Variants in CA10 observed in about 807,000 individuals in gnomAD.
The protein encoded by CA10 is carbonic anhydrase-related protein 10.
Under a neutral mutation model 44.2 loss-of-function variants are expected in CA10, and 14 were observed. The ratio of observed to expected loss-of-function variants is 0.32; its 90% CI spans 0.21 to 0.50. The LOEUF (loss-of-function observed/expected upper bound fraction) is 0.50, where lower values mean the gene tolerates loss of function less well. Ranked by LOEUF, CA10 falls within the 20% of genes least tolerant of loss-of-function variation. CA10 has a pLI of 0.99. For synonymous variants in CA10, 159 were observed against 141.6 expected (o/e 1.12, Z -0.87); for missense variants, 350 against 409.7 (o/e 0.85, Z 1.26).
At position 51,822,041 on chromosome 17, in the gene CA10, C is replaced by T. The variant is rs548398619; in HGVS notation, c.280-74223G>A. 2.0e-5 allele frequency among the ~76,000 whole-genome samples: 3 copies of T among 152,298 alleles called. No homozygotes were observed. The East Asian group carries it at 5.8e-4, about 29-fold the overall frequency. ...GAGAGTTTTTACAGAGACTTTGACA[C>T]CAATCCTGGCCTAGACTATCCTTTC... On this transcript the variant is annotated intron_variant, in intron 3 of 8. Transcript: ENST00000451037.
intron 2 of CA10, among the ~76,000 whole-genome samples, chr17:52,049,322 C>T (rs1986995595): frequency 6.6e-6 from 1 of 152,050 alleles, no homozygotes; most frequent in Admixed American, 6.6e-5. Context: ...AGCTATGCGG[C>T]CTTGAGTAAG....
Position 51,709,424 on chromosome 17 carries a change from T to A in CA10, c.465+38209A>T, listed in dbSNP as rs931427929. 5.9e-5 allele frequency among the ~76,000 whole-genome samples: 9 copies of A among 152,166 alleles called. No individual in the cohort carries two copies. The South Asian group carries it at 6.2e-4, about 11-fold the overall frequency. ...TAGGGAATGCTTCTCTGGGAAGGGA[T>A]CTTGGTGCTGAGACCTGAACAATGG... On this transcript the variant is annotated intron_variant, in intron 4 of 8. Transcript: ENST00000451037.
intron 2 of CA10, among the ~76,000 whole-genome samples, chr17:51,962,776 C>T (rs1052525773): frequency 6.6e-6 from 1 of 152,066 alleles, no homozygotes; most frequent in Non-Finnish European, 1.5e-5. Context: ...AGGGAAAAAT[C>T]CTACACACAG....
intron 1 of CA10, among the ~76,000 whole-genome samples, chr17:52,106,623 A>C (rs2143268385): frequency 6.6e-6 from 1 of 152,306 alleles, no homozygotes; most frequent in Middle Eastern, 3.4e-3. Flanking sequence ...CTAGGGCTTA[A>C]TTAAGGAACT....
At chr17:51,793,201 G>T (rs888020663) in intron 3 of CA10, among the ~76,000 whole-genome samples, 3 of 152,210 alleles carry the variant, frequency 2.0e-5, no homozygotes, top group African/African-American at 7.2e-5. Flanking sequence ...TAAACTTGGG[G>T]TGGAGGGGAA....
At chr17:52,141,122 G>A (rs530985534) in intron 1 of CA10, among the ~76,000 whole-genome samples, 31 of 152,244 alleles carry the variant, frequency 2.0e-4, no homozygotes, top group Non-Finnish European at 3.4e-4. Context: ...CTTCCCTGCC[G>A]AACTGCCATC....
At chr17:51,839,118 G>A (rs1978298407) in intron 3 of CA10, among the ~76,000 whole-genome samples, 1 of 152,162 alleles carries the variant, frequency 6.6e-6, no homozygotes, top group Non-Finnish European at 1.5e-5. Context: ...TCAATTGCAT[G>A]TTCATTGTTA....
chr17:51,727,427 T>C (rs951364247), intron 4 of CA10, among the ~76,000 whole-genome samples: 2 of 152,112 alleles, frequency 1.3e-5, no homozygotes, highest in Non-Finnish European at 2.9e-5. Context: ...AAATGAAGTT[T>C]CTTTTGTCTC....
intron 3 of CA10, among the ~76,000 whole-genome samples, chr17:51,869,328 C>T (rs916003924): frequency 7.9e-4 from 120 of 152,238 alleles, no homozygotes; most frequent in African/African-American, 2.8e-3. Flanking sequence ...GCTTGAAGGT[C>T]AGAAAGCCTA....
chr17:52,068,414 G>A (rs1054103638), intron 2 of CA10, among the ~76,000 whole-genome samples: 4 of 152,136 alleles, frequency 2.6e-5, no homozygotes, highest in Admixed American at 6.5e-5. Flanking sequence ...TAAGTTACCC[G>A]GTCTCAGGCA....
chr17:51,765,972 G>A (rs1232845473), intron 3 of CA10, among the ~76,000 whole-genome samples: 1 of 152,134 alleles, frequency 6.6e-6, no homozygotes, highest in Non-Finnish European at 1.5e-5. Context: ...GAGAAAGCAG[G>A]TGGTCCTGAA....
chr17:52,094,291 A>T (rs57520437), intron 1 of CA10, among the ~76,000 whole-genome samples: 10,095 of 149,354 alleles, frequency 0.068, 345 homozygotes, highest in South Asian at 0.13. Context: ...AGTATAATTT[A>T]AAAAAAACCT....
Position 51,790,447 on chromosome 17 carries a change from T to C in CA10, c.280-42629A>G, listed in dbSNP as rs542374901. Among the ~76,000 whole-genome samples, 4 of 152,334 alleles carry C rather than the reference T, an allele frequency of 2.6e-5. No individual in the cohort carries two copies. In the East Asian group the frequency reaches 7.7e-4, roughly 29 times the overall value. ...ATACCTCTTGCATTTGGCAAATCCA[T>C]AATGATTCACCCTCCTGACCTGTCA... On this transcript the variant is annotated intron_variant, in intron 3 of 8. Coordinates refer to ENST00000451037, the MANE Select transcript of CA10 (RefSeq NM_020178.5).
intron 3 of CA10, among the ~76,000 whole-genome samples, chr17:51,849,182 T>G (rs951986139): frequency 1.3e-5 from 1 of 78,540 alleles, no homozygotes; most frequent in African/African-American, 6.2e-5. Flanking sequence ...TATACATATA[T>G]GTATATATAT....
intron 1 of CA10, among the ~76,000 whole-genome samples, chr17:52,141,640 C>A (rs890234633): frequency 6.6e-6 from 1 of 152,112 alleles, no homozygotes; most frequent in African/African-American, 2.4e-5. Flanking sequence ...ATGACTGTGT[C>A]CCAGTACAAC....
chr17:51,904,465 C>T lies in CA10; in HGVS notation c.279+26525G>A, dbSNP rs184684827. Among the ~76,000 whole-genome samples, 500 of 152,114 alleles carry T rather than the reference C, an allele frequency of 3.3e-3. 3 individuals carry two copies. Among genetic ancestry groups the T allele is most frequent in the African/African-American group, 0.012 (486 of 41,520 alleles). On this transcript the variant is annotated intron_variant, in intron 3 of 8. Coordinates refer to ENST00000451037, the MANE Select transcript of CA10 (RefSeq NM_020178.5). The stretch of plus-strand genomic sequence containing the variant: ...CTGAATACTCAATTAGCCACTGCAG[C>T]GCAAGAAGAGTCCCCCAGCTTCATC...
intron 3 of CA10, among the ~76,000 whole-genome samples, chr17:51,790,540 T>C (rs9905784): frequency 0.025 from 3,840 of 152,330 alleles, 158 homozygotes; most frequent in African/African-American, 0.086. Flanking sequence ...TTTCTTTTCA[T>C]GAATTCACCA....
At chr17:52,103,894 C>T (rs1389135567) in intron 1 of CA10, among the ~76,000 whole-genome samples, 1 of 152,216 alleles carries the variant, frequency 6.6e-6, no homozygotes, top group African/African-American at 2.4e-5. Context: ...GATGTTTCCA[C>T]ATGGGCAGAC....
At chr17:51,959,391 A>G (rs35890161) in intron 2 of CA10, among the ~76,000 whole-genome samples, 2,417 of 151,612 alleles carry the variant, frequency 0.016, 29 homozygotes, top group Non-Finnish European at 0.026. Context: ...GAAGCAAGTC[A>G]TCATGGGAAG....
Sources: allele counts gnomAD v4.1 joint callset (sites outside exome capture counted in the v4.1 genomes callset), GRCh38; gene constraint gnomAD v4.1.1; transcripts MANE v1.5; gene names NCBI Gene and HGNC (gene_info 2026-07-23, HGNC 2026-07-21).